The following NAA11 variants were observed in gnomAD, a reference collection of about 807,000 sequenced individuals.
The protein encoded by NAA11 is N-alpha-acetyltransferase 11, NatA catalytic subunit.
In NAA11, 15 loss-of-function variants were observed where a neutral mutation model predicts 16.1. The ratio of observed to expected loss-of-function variants is 0.93; its 90% CI spans 0.62 to 1.44. The LOEUF is 1.44. Among genes scored for constraint, NAA11 ranks in the 40% most tolerant of loss-of-function variants. NAA11 has a pLI of 0.00. For missense variants in NAA11, 298 were observed against 291.3 expected, an observed-to-expected ratio of 1.02 and a Z score of -0.17; for synonymous variants, 122 against 112.4, an observed-to-expected ratio of 1.09 and a Z score of -0.54.
At chr4:79,233,155 A>T (rs1721502483) in intron 2 of NAA11, among the ~76,000 whole-genome samples, 1 of 151,780 alleles carries the variant, frequency 6.6e-6, no homozygotes, top group South Asian at 2.1e-4. Context: ...ATATTACTTG[A>T]TGTGAGTTGG....
At chr4:79,308,876 C>T (rs546791251) in intron 1 of NAA11, 3 of 152,098 alleles carry the variant, frequency 2.0e-5, no homozygotes, top group Admixed American at 6.5e-5. Context: ...TTAAGTGCTT[C>T]TTATAGTTAT....
At chr4:79,207,022 A>C in the NAA11 span, among the ~76,000 whole-genome samples, 1 of 152,086 alleles carries the variant, frequency 6.6e-6, no homozygotes, top group Non-Finnish European at 1.5e-5. Flanking sequence ...GGTGTATAGT[A>C]GTGCTACTGA....
chr4:79,248,094 C>T (rs1721885138), intron 2 of NAA11, among the ~76,000 whole-genome samples: 1 of 152,202 alleles, frequency 6.6e-6, no homozygotes, highest in South Asian at 2.1e-4. Context: ...GAGCACTTCC[C>T]TGTCTACTGG....
At chr4:79,165,455 A>C in the NAA11 span, among the ~76,000 whole-genome samples, 1 of 152,214 alleles carries the variant, frequency 6.6e-6, no homozygotes, top group East Asian at 1.9e-4. Context: ...AAGTCTCTTC[A>C]GACAGGAGTA....
At chr4:79,297,199 G>A (rs1243153488) in intron 1 of NAA11, among the ~76,000 whole-genome samples, 1 of 152,186 alleles carries the variant, frequency 6.6e-6, no homozygotes, top group African/African-American at 2.4e-5. Flanking sequence ...CCGGAGTGGT[G>A]CTGCACTCCA....
rs1722672840 is a variant in NAA11, at chr4:79,277,281, A to G, written c.*122+16724T>C. On this transcript the variant is annotated intron_variant and NMD_transcript_variant, in intron 2 of 2. Transcript: ENST00000511542. The stretch of plus-strand genomic sequence containing the variant: ...TTTCCCTCGCAGCCGTTATAGGTGT[A>G]CTTATTCTTGTCGGGTGCTGTGTCA... 2.0e-5 allele frequency among the ~76,000 whole-genome samples: 3 copies of G among 152,028 alleles called. No individual in the cohort carries two copies. The South Asian group carries it at 6.2e-4, about 31-fold the overall frequency.
chr4:79,166,291 A>G, the NAA11 span, among the ~76,000 whole-genome samples: 3 of 152,074 alleles, frequency 2.0e-5, no homozygotes, highest in Non-Finnish European at 2.9e-5. Flanking sequence ...TTCTTAGAAT[A>G]CAGAATGGGA....
intron 1 of NAA11, among the ~76,000 whole-genome samples, chr4:79,297,979 C>G (rs866983005): frequency 8.5e-5 from 13 of 152,200 alleles, no homozygotes; most frequent in African/African-American, 3.1e-4. Context: ...TGTACTTCCT[C>G]CCCACTGAGG....
intron 2 of NAA11, among the ~76,000 whole-genome samples, chr4:79,269,653 G>C (rs1191965973): frequency 6.8e-6 from 1 of 147,696 alleles, no homozygotes; most frequent in African/African-American, 2.5e-5. Context: ...TTTGTAGGTT[G>C]CCTGTTCACT....
At chr4:79,194,255 G>T in the NAA11 span, among the ~76,000 whole-genome samples, 2 of 151,996 alleles carry the variant, frequency 1.3e-5, no homozygotes, top group Non-Finnish European at 2.9e-5. Flanking sequence ...AAATTGCTTT[G>T]GGCAGTATAG....
intron 1 of NAA11, among the ~76,000 whole-genome samples, chr4:79,323,542 C>A (rs1455615792): frequency 6.6e-6 from 1 of 151,834 alleles, no homozygotes; most frequent in Non-Finnish European, 1.5e-5. Flanking sequence ...AAAATTAGGC[C>A]GGGCACGGTG....
intron 2 of NAA11, among the ~76,000 whole-genome samples, chr4:79,248,440 G>A (rs144001100): frequency 9.2e-4 from 140 of 152,206 alleles, no homozygotes; most frequent in Non-Finnish European, 1.7e-3. Context: ...TGCCATGGCT[G>A]CCAGTGTGAG....
the NAA11 span, chr4:79,195,879 TC>T: frequency 6.5e-6 from 1 of 154,364 alleles, no homozygotes; most frequent in East Asian, 1.9e-4. Context: ...CGTGTTCGCT[TC>T]CCCTTCCTCC....
At chr4:79,223,163 A>G (rs1721230606), downstream of NAA11, among the ~76,000 whole-genome samples, 1 of 151,478 alleles carries the variant, frequency 6.6e-6, no homozygotes, top group South Asian at 2.1e-4. Flanking sequence ...CCAAAGGACT[A>G]TAAATCATGC....
chr4:79,155,694 T>G, the NAA11 span, among the ~76,000 whole-genome samples: 1 of 152,218 alleles, frequency 6.6e-6, no homozygotes, highest in African/African-American at 2.4e-5. Flanking sequence ...CACATCTGGA[T>G]AGTCAGTTAC....
chr4:79,289,615 C>A (rs886467408), intron 2 of NAA11, among the ~76,000 whole-genome samples: 4 of 152,114 alleles, frequency 2.6e-5, no homozygotes, highest in Admixed American at 6.6e-5. Context: ...ATAAATTGCT[C>A]AGTCACACAG....
the NAA11 span, among the ~76,000 whole-genome samples, chr4:79,167,270 TAGAGAGAG>T: frequency 8.1e-5 from 8 of 98,482 alleles, no homozygotes; most frequent in African/African-American, 1.2e-4. Flanking sequence ...TATATATATA[TAGAGAGAG>T]AGAGAGAGAG....
chr4:79,168,018 CT>C, the NAA11 span, among the ~76,000 whole-genome samples: 1 of 152,110 alleles, frequency 6.6e-6, no homozygotes, highest in East Asian at 1.9e-4. Context: ...TGTCCCTCCC[CT>C]AGCCCCCTAC....
downstream of NAA11, among the ~76,000 whole-genome samples, chr4:79,313,698 T>A (rs1723849163): frequency 6.6e-6 from 1 of 152,210 alleles, no homozygotes; most frequent in Non-Finnish European, 1.5e-5. Flanking sequence ...TGTGTCTTAC[T>A]GGATTTCAAA....
Sources: allele counts gnomAD v4.1 joint callset (sites outside exome capture counted in the v4.1 genomes callset), GRCh38; gene constraint gnomAD v4.1.1; transcripts MANE v1.5; gene names NCBI Gene and HGNC (gene_info 2026-07-23, HGNC 2026-07-21).